Variants in FAT1 observed in about 807,000 individuals in gnomAD.
FAT1 encodes the protein FAT atypical cadherin 1.
In FAT1, 171 loss-of-function variants were observed where a neutral mutation model predicts 329.8. The ratio of observed to expected loss-of-function variants is 0.52; its 90% CI spans 0.46 to 0.59. The LOEUF (loss-of-function observed/expected upper bound fraction) is 0.59. Ranked by LOEUF, FAT1 falls within the 20% of genes least tolerant of loss-of-function variation. FAT1 has a pLI of 0.00. For synonymous variants in FAT1, 2,233 were observed against 2,228.6 expected (o/e 1.00, Z -0.06); for missense variants, 5,672 against 5,774.4 (o/e 0.98, Z 0.57).
intron 3 of FAT1, among the ~76,000 whole-genome samples, chr4:186,660,589 C>T (rs1014277188): frequency 1.3e-5 from 2 of 152,178 alleles, no homozygotes; most frequent in African/African-American, 2.4e-5. Context: ...TTCCTCCTGC[C>T]GCCCTGCCAG....
chr4:186,709,563 T>A lies in FAT1; in HGVS notation c.265A>T (p.Ile89Phe), dbSNP rs746791673. The stretch of plus-strand genomic sequence containing the variant: ...CTTAGAAAGCAAAAGTCTCCGAGAA[T>A]GTACTCTTCAGCTTTGAACAGGTTT... The part of the protein sequence containing the change: ...SENLFKAEEY[I>F]LGDFCFLRIR... The change falls in exon 2 of 27, where the codon ATT becomes TTT. Residue 89 changes from isoleucine to phenylalanine, a missense_variant. Around this residue, in one of 2 missense-constraint regions of FAT1, gnomAD observed 3,966 missense variants for 3,915.2 expected, o/e 1.01. Coordinates refer to ENST00000441802, the MANE Select transcript of FAT1 (RefSeq NM_005245.4). 1 of 1,614,056 alleles carries A rather than the reference T, an allele frequency of 6.2e-7. No homozygotes were observed. The highest frequency in any genetic ancestry group is 1.1e-5 in the South Asian group (1 of 91,088).
chr4:186,709,730 T>G lies in FAT1; in HGVS notation c.98A>C (p.Gln33Pro). 2 of 1,613,916 alleles carry G rather than the reference T, an allele frequency of 1.2e-6. No individual in the cohort carries two copies. The highest frequency in any genetic ancestry group is 1.7e-6 in the Non-Finnish European group (2 of 1,179,846). ...GACGTTGTACTCGAGGTGTGTAAAC[T>G]GCAGAGGAGTCTGTTCAAGTCGTTG... ...GSQRLEQTPL[Q>P]FTHLEYNVTV... is the part of the protein sequence containing the mutation. The change falls in exon 2 of 27, where the codon CAG (glutamine) becomes CCG (proline). Residue 33 changes from glutamine to proline, a missense_variant. By Grantham distance (76) the Gln-to-Pro change is moderately conservative (BLOSUM62 -1). Coordinates refer to ENST00000441802, the MANE Select transcript of FAT1 (RefSeq NM_005245.4).
chr4:186,681,183 C>A (rs1379326763), intron 2 of FAT1, among the ~76,000 whole-genome samples: 1 of 152,098 alleles, frequency 6.6e-6, no homozygotes, highest in Non-Finnish European at 1.5e-5. Flanking sequence ...GTTAACTGTC[C>A]CAACTCAGCA....
Position 186,596,947 on chromosome 4 carries a change from A to G in FAT1, c.12593T>C (p.Val4198Ala). The change falls in exon 25 of 27, where the codon GTG (valine) becomes GCG (alanine). Residue 4198 changes from valine to alanine, a missense_variant. Physicochemically the swap from Val to Ala is moderately conservative, Grantham distance 64 (BLOSUM62 0). Transcript: ENST00000441802. This position sits in a 1 kb window ranked among gnomAD's most constrained non-coding sequence, Gnocchi z 4.7. ...FVAGIFLLVV[V>A]FVLCRKMISR... ...AATCATCTTACGGCAGAGAACAAAC[A>G]CCACCACCAGTAAAAATATCCCTGC... The G allele has an allele frequency of 6.2e-7, 1 of 1,613,986 alleles. No individual in the cohort carries two copies. Among genetic ancestry groups the G allele is most frequent in the Non-Finnish European group, 8.5e-7 (1 of 1,179,886 alleles).
intron 1 of FAT1, among the ~76,000 whole-genome samples, chr4:186,722,727 G>A (rs953127410): frequency 5.9e-5 from 9 of 152,132 alleles, no homozygotes; most frequent in African/African-American, 2.2e-4. Flanking sequence ...AATATACGAA[G>A]CATTAAGAAT....
chr4:186,614,401 T>A (rs1739609121), intron 11 of FAT1, 57 bp from the exon 12 acceptor site: 1 of 1,141,582 alleles, frequency 8.8e-7, no homozygotes, highest in Non-Finnish European at 1.2e-6. Context: ...AGCACAAACA[T>A]CAAGGGAATA....
chr4:186,628,439 C>A (rs2126543830), intron 8 of FAT1, 49 bp downstream of exon 8: 2 of 1,611,486 alleles, frequency 1.2e-6, no homozygotes, highest in Non-Finnish European at 1.7e-6. Context: ...CTCGAACACA[C>A]AAAGGCCTCA....
At chr4:186,597,876 T>C in intron 23 of FAT1, 84 bp from the exon 24 acceptor site, 1 of 1,559,060 alleles carries the variant, frequency 6.4e-7, no homozygotes, top group Non-Finnish European at 8.8e-7. Flanking sequence ...ACAGAACACA[T>C]TAGCAAATTA....
At chr4:186,593,625 G>C (rs549955118) in intron 26 of FAT1, among the ~76,000 whole-genome samples, 1 of 152,214 alleles carries the variant, frequency 6.6e-6, no homozygotes, top group Admixed American at 6.5e-5. Context: ...TCTGCTGACA[G>C]AAGGGTGGTC....
intron 1 of FAT1, among the ~76,000 whole-genome samples, chr4:186,719,253 A>G (rs1745356532): frequency 1.3e-5 from 2 of 152,170 alleles, no homozygotes; most frequent in African/African-American, 4.8e-5. Flanking sequence ...ACCTCGTAAC[A>G]TTCCTCCTAA....
chr4:186,648,799 C>T (rs1475175251), intron 3 of FAT1, among the ~76,000 whole-genome samples: 7 of 152,162 alleles, frequency 4.6e-5, no homozygotes, highest in African/African-American at 1.4e-4. Context: ...CACCAAATCA[C>T]ACTCTCCACT....
chr4:186,696,510 G>A (rs769530737), intron 2 of FAT1, among the ~76,000 whole-genome samples: 6 of 152,086 alleles, frequency 3.9e-5, no homozygotes, highest in South Asian at 2.1e-4. Context: ...GCAGCTACTC[G>A]GTACCAGCCC....
At chr4:186,674,966 C>T (rs1742887738) in intron 2 of FAT1, among the ~76,000 whole-genome samples, 2 of 151,990 alleles carry the variant, frequency 1.3e-5, no homozygotes, top group Admixed American at 1.3e-4. Context: ...CCTGGTAGGT[C>T]AAGGTTGCAG....
chr4:186,624,520 A>G (rs910136302), intron 9 of FAT1, among the ~76,000 whole-genome samples: 2 of 152,202 alleles, frequency 1.3e-5, no homozygotes, highest in African/African-American at 4.8e-5. Context: ...TAGTGCTCTA[A>G]TAATCTACTT....
chr4:186,619,867 G>A lies in FAT1; in HGVS notation c.6719C>T (p.Ala2240Val), dbSNP rs748633662. Residue 2240 changes from alanine to valine, a missense_variant, in exon 10 of 27, where the codon GCT becomes GTT. By Grantham distance (64) the Ala-to-Val change is moderately conservative. Coordinates refer to ENST00000441802, the MANE Select transcript of FAT1 (RefSeq NM_005245.4). Reference sequence around the variant, plus strand: ...CGGGTGGGCCTCAAAGTCCAGAGGAGCTATGACATTGATAACTCCAGTATT... The same window carrying A: ...CGGGTGGGCCTCAAAGTCCAGAGGAACTATGACATTGATAACTCCAGTATT... ...NFNTGVINVI[A>V]PLDFEAHPAY... 3.7e-6 allele frequency: 6 copies of A among 1,614,010 alleles called. No individual in the cohort carries two copies. The South Asian group carries it at 5.5e-5, about 15-fold the overall frequency.
intron 3 of FAT1, among the ~76,000 whole-genome samples, chr4:186,648,598 C>T (rs1050376051): frequency 2.6e-5 from 4 of 152,194 alleles, no homozygotes; most frequent in Admixed American, 2.6e-4. Context: ...AAATCCTGTA[C>T]CTTAAAACAT....
At chr4:186,637,894 T>C (rs2126567232) in intron 4 of FAT1, among the ~76,000 whole-genome samples, 1 of 152,350 alleles carries the variant, frequency 6.6e-6, no homozygotes, top group South Asian at 2.1e-4. Context: ...CTTTATATTA[T>C]TTACCTTCCT....
At chr4:186,589,386 C>T (rs1277626159) in intron 26 of FAT1, among the ~76,000 whole-genome samples, 166 bp from the exon 27 acceptor site, 2 of 152,130 alleles carry the variant, frequency 1.3e-5, no homozygotes, top group South Asian at 2.1e-4. Context: ...ATCCCCCAAC[C>T]CACTCCAGTT....
Position 186,628,681 on chromosome 4 carries a change from G to T in FAT1, c.4406C>A (p.Thr1469Lys). The T allele has an allele frequency of 6.2e-7, 1 of 1,613,956 alleles. No individual in the cohort carries two copies. Among genetic ancestry groups the T allele is most frequent in the Non-Finnish European group, 8.5e-7 (1 of 1,179,892 alleles). Residue 1469 changes from threonine to lysine, a missense_variant, in exon 8 of 27, where the codon ACA becomes AAA. Thr to Lys is a moderately conservative substitution (Grantham distance 78). This residue lies in a region of FAT1 where 3,966 missense variants were observed against 3,915.2 expected (regional missense o/e 1.01). Coordinates refer to ENST00000441802, the MANE Select transcript of FAT1 (RefSeq NM_005245.4). Reference protein sequence around the residue: ...SKYEVVIPEDTAPETEILQIS... With the variant: ...SKYEVVIPEDKAPETEILQIS... ...TTGCAAAATTTCTGTTTCTGGCGCT[G>T]TATCTTCAGGAATAACAACTTCATA...
Sources: gnomAD v4.1 joint callset for allele counts (sites outside exome capture counted in the v4.1 genomes callset) on GRCh38, gnomAD v4.1.1 for gene constraint, gnomAD v4.1.1 regional missense constraint, Gnocchi (gnomAD v3.1) non-coding constraint, MANE v1.5 for transcripts, NCBI Gene and HGNC (gene_info 2026-07-23, HGNC 2026-07-21) for gene names.